HPCAL1: variants seen among roughly 807,000 people sequenced by gnomAD.
HPCAL1 encodes the protein hippocalcin like 1.
In HPCAL1, 8 loss-of-function variants were observed where a neutral mutation model predicts 17.1. The ratio of observed to expected loss-of-function variants is 0.47; its 90% CI spans 0.27 to 0.84. The LOEUF (loss-of-function observed/expected upper bound fraction) is 0.84. Among genes scored for constraint, HPCAL1 ranks in the 40% least tolerant of loss-of-function variants. HPCAL1 has a pLI of 0.13. For missense variants in HPCAL1, 165 were observed against 271.1 expected (o/e 0.61, Z 2.75); for synonymous variants, 112 against 111.4 (o/e 1.01, Z -0.03).
At position 10,344,380 on chromosome 2, in the gene HPCAL1, C is replaced by T. The variant is rs944768799; in HGVS notation, c.-111+41203C>T. Among the ~76,000 whole-genome samples, 1 of 152,188 alleles carries T rather than the reference C, an allele frequency of 6.6e-6. No homozygotes were observed. The highest frequency in any genetic ancestry group is 2.4e-5 in the African/African-American group (1 of 41,448). ...GGGGGCCCCGAAGTGCCGCTAGGTG[C>T]CTCACGATTAGCATAAGGCCCGTTT... On this transcript the variant is annotated intron_variant, in intron 1 of 4. Transcript: ENST00000307845. The surrounding 1 kb of genome is among the most constrained non-coding windows in gnomAD (Gnocchi z 4.9).
At chr2:10,349,778 G>T (rs1490586889) in intron 1 of HPCAL1, among the ~76,000 whole-genome samples, 1 of 129,116 alleles carries the variant, frequency 7.7e-6, no homozygotes, top group South Asian at 2.7e-4. Flanking sequence ...GACATAAAAC[G>T]TTTCATTTTC....
intron 2 of HPCAL1, among the ~76,000 whole-genome samples, chr2:10,399,518 CACCACCGCCACT>C (rs1184178222): frequency 2.9e-5 from 4 of 137,728 alleles, no homozygotes; most frequent in African/African-American, 8.7e-5. Flanking sequence ...CCACCGCCGC[CACCACCGCCACT>C]GCCACCGCCA....
chr2:10,385,838 CT>C (rs1432212026), intron 1 of HPCAL1, among the ~76,000 whole-genome samples: 1 of 152,152 alleles, frequency 6.6e-6, no homozygotes, highest in Non-Finnish European at 1.5e-5. Context: ...GAGAATTTGG[CT>C]TAATCCCCCA....
At position 10,377,573 on chromosome 2, in the gene HPCAL1, C is replaced by T. The variant is rs1667654024; in HGVS notation, c.-110-19262C>T. 6.6e-6 allele frequency among the ~76,000 whole-genome samples: 1 copy of T among 152,160 alleles called. No homozygotes were observed. The highest frequency in any genetic ancestry group is 1.9e-4 in the East Asian group (1 of 5,184). ...CCTCTGTCGGCAGGGCCCCTGCCAC[C>T]TCTGAAGCCCCCTGCCAGCTCTCGG... On this transcript the variant is annotated intron_variant, in intron 1 of 4. Transcript: ENST00000307845. The surrounding 1 kb of genome is among the most constrained non-coding windows in gnomAD (Gnocchi z 5.9).
chr2:10,353,751 G>A (rs571273559), intron 1 of HPCAL1, among the ~76,000 whole-genome samples: 1 of 152,108 alleles, frequency 6.6e-6, no homozygotes, highest in African/African-American at 2.4e-5. Flanking sequence ...TTGAGTTTTA[G>A]TAGACGAGGT....
chr2:10,419,748 G>A lies in HPCAL1; in HGVS notation c.-10G>A, dbSNP rs1236255208. ...CTGTCTTGCAGGTGTAGTCGCCGCC[G>A]CCAGCCGCCATGGGCAAACAGAACA... is the stretch of plus-strand genomic sequence containing the variant. On this transcript the variant is annotated 5_prime_UTR_variant, in exon 3 of 5. Transcript: ENST00000307845. This position sits in a 1 kb window ranked among gnomAD's most constrained non-coding sequence, Gnocchi z 5.0. 4 of 1,602,742 alleles carry A rather than the reference G, an allele frequency of 2.5e-6. No homozygotes were observed. Among genetic ancestry groups the A allele is most frequent in the Middle Eastern group, 3.3e-4 (2 of 6,002 alleles).
intron 2 of HPCAL1, among the ~76,000 whole-genome samples, chr2:10,402,869 G>A (rs1182246977): frequency 6.6e-6 from 1 of 152,184 alleles, no homozygotes; most frequent in African/African-American, 2.4e-5. Flanking sequence ...ACAGAGCCAT[G>A]CAGCCTGCGC....
At chr2:10,334,433 A>G (rs1664587009) in intron 1 of HPCAL1, among the ~76,000 whole-genome samples, 1 of 152,124 alleles carries the variant, frequency 6.6e-6, no homozygotes, top group Non-Finnish European at 1.5e-5. Context: ...TCCTGAGCCC[A>G]GGAGTTTGGG....
chr2:10,348,626 T>TAAAA (rs144777297), intron 1 of HPCAL1, among the ~76,000 whole-genome samples: 25,899 of 150,092 alleles, frequency 0.17, 2,364 homozygotes, highest in Non-Finnish European at 0.18. Flanking sequence ...TATATATATA[T>TAAAA]AAATTAGCCA....
At chr2:10,337,907 A>G (rs1572669299) in intron 1 of HPCAL1, among the ~76,000 whole-genome samples, 1 of 152,162 alleles carries the variant, frequency 6.6e-6, no homozygotes, top group Admixed American at 6.5e-5. Flanking sequence ...TGGGTCGGCC[A>G]TGGCTGCGCC....
chr2:10,399,954 T>G (rs1467987834), intron 2 of HPCAL1, among the ~76,000 whole-genome samples: 1 of 152,176 alleles, frequency 6.6e-6, no homozygotes, highest in East Asian at 1.9e-4. Context: ...CCCAAGGACC[T>G]TGAGCTCCAC....
intron 1 of HPCAL1, among the ~76,000 whole-genome samples, chr2:10,389,734 G>C (rs551347996): frequency 6.6e-6 from 1 of 152,324 alleles, no homozygotes; most frequent in South Asian, 2.1e-4. Context: ...CATTCTGATT[G>C]CTTTATGGGA....
intron 1 of HPCAL1, among the ~76,000 whole-genome samples, chr2:10,369,935 G>GA (rs771775504): frequency 6.6e-6 from 1 of 152,236 alleles, no homozygotes; most frequent in South Asian, 2.1e-4. Flanking sequence ...TAACGTTTTG[G>GA]AAAAAACAAC....
intron 1 of HPCAL1, among the ~76,000 whole-genome samples, chr2:10,352,122 C>T (rs1343470655): frequency 6.6e-6 from 1 of 152,030 alleles, no homozygotes; most frequent in Non-Finnish European, 1.5e-5. Context: ...AGGCTGGTCG[C>T]AAACTCCTGA....
chr2:10,350,440 A>G (rs949751422), intron 1 of HPCAL1, among the ~76,000 whole-genome samples: 1 of 151,096 alleles, frequency 6.6e-6, no homozygotes, highest in Non-Finnish European at 1.5e-5. Context: ...CCTCCTGAGT[A>G]GGTGGGACTA....
intron 1 of HPCAL1, among the ~76,000 whole-genome samples, chr2:10,378,603 T>C (rs968186546): frequency 7.9e-5 from 12 of 152,126 alleles, no homozygotes; most frequent in African/African-American, 2.9e-4. Context: ...AATACCATCA[T>C]GGGGGCCTCA....
intron 4 of HPCAL1, chr2:10,426,366 T>G: frequency 4.7e-6 from 1 of 213,162 alleles, no homozygotes; most frequent in African/African-American, 2.3e-5. Flanking sequence ...CAGCCTGGAT[T>G]CTGTATGGGT....
intron 2 of HPCAL1, among the ~76,000 whole-genome samples, chr2:10,399,543 A>AC (rs1558518819): frequency 2.0e-5 from 2 of 99,428 alleles, no homozygotes; most frequent in Non-Finnish European, 3.9e-5. Context: ...CACCGCCACC[A>AC]TCACCGCCAC....
rs921152955 is a variant in HPCAL1 at position 10,362,548 on chromosome 2, C to T, written c.-110-34287C>T. Among the ~76,000 whole-genome samples, 2 of 152,182 alleles carry T rather than the reference C, an allele frequency of 1.3e-5. No individual in the cohort carries two copies. Among genetic ancestry groups the T allele is most frequent in the African/African-American group, 2.4e-5 (1 of 41,432 alleles). Reference sequence around the variant, plus strand: ...TTCAGGAAAGGAAAGGTGAGCTGGGCGATGGGGAAGGCCTCCACGGTGTTC... The same window carrying T: ...TTCAGGAAAGGAAAGGTGAGCTGGGTGATGGGGAAGGCCTCCACGGTGTTC... On this transcript the variant is annotated intron_variant, in intron 1 of 4. Transcript: ENST00000307845. The surrounding 1 kb of genome is among the most constrained non-coding windows in gnomAD (Gnocchi z 5.0).
Sources: gnomAD v4.1 joint callset for allele counts (sites outside exome capture counted in the v4.1 genomes callset) on GRCh38, gnomAD v4.1.1 for gene constraint, Gnocchi (gnomAD v3.1) non-coding constraint, MANE v1.5 for transcripts, NCBI Gene and HGNC (gene_info 2026-07-23, HGNC 2026-07-21) for gene names.